MSTO1: variants seen among roughly 807,000 people sequenced by gnomAD.
MSTO1 encodes the protein misato mitochondrial distribution and morphology regulator 1.
Under a neutral mutation model 55.7 loss-of-function variants are expected in MSTO1, and 24 were observed. The ratio of observed to expected loss-of-function variants is 0.43; its 90% CI spans 0.31 to 0.61. The LOEUF (loss-of-function observed/expected upper bound fraction) is 0.61, where lower values mean the gene tolerates loss of function less well. MSTO1 is among the 20% of genes least tolerant of loss of function. The pLI is 0.09. For missense variants in MSTO1, 363 were observed against 625.7 expected (o/e 0.58, Z 4.48); for synonymous variants, 162 against 252.8 (o/e 0.64, Z 3.41).
the MSTO1 span, among the ~76,000 whole-genome samples, chr1:155,604,871 T>A: frequency 6.6e-6 from 1 of 152,094 alleles, no homozygotes; most frequent in Non-Finnish European, 1.5e-5. Flanking sequence ...TGAGATCCTA[T>A]CTCAAAAAAT....
the MSTO1 span, among the ~76,000 whole-genome samples, chr1:155,603,027 C>G: frequency 6.6e-6 from 1 of 151,940 alleles, no homozygotes; most frequent in Non-Finnish European, 1.5e-5. Flanking sequence ...ATCAGAATCC[C>G]TTATGTATGT....
the MSTO1 span, among the ~76,000 whole-genome samples, chr1:155,566,971 T>A: frequency 6.6e-6 from 1 of 152,130 alleles, no homozygotes; most frequent in South Asian, 2.1e-4. Context: ...CTAGCTCCCA[T>A]GCTCAAGGGA....
the MSTO1 span, among the ~76,000 whole-genome samples, chr1:155,574,395 C>T: frequency 1.3e-5 from 2 of 152,152 alleles, no homozygotes; most frequent in African/African-American, 4.8e-5. Flanking sequence ...CAAATAAAAT[C>T]TGTAGTTTAG....
the MSTO1 span, among the ~76,000 whole-genome samples, chr1:155,594,516 A>C: frequency 6.6e-6 from 1 of 152,334 alleles, no homozygotes; most frequent in African/African-American, 2.4e-5. Flanking sequence ...TATGGCTATA[A>C]ATGAAACTAG....
chr1:155,597,769 C>CA, the MSTO1 span, among the ~76,000 whole-genome samples: 2 of 150,890 alleles, frequency 1.3e-5, no homozygotes, highest in African/African-American at 4.9e-5. Context: ...CTTGGTCTCC[C>CA]AAAGTGCTGG....
upstream of MSTO1, among the ~76,000 whole-genome samples, chr1:155,608,465 C>T (rs1673024393): frequency 6.6e-6 from 1 of 152,070 alleles, no homozygotes; most frequent in Non-Finnish European, 1.5e-5. Context: ...CAGGCGTGAG[C>T]CTCTGCGCCC....
chr1:155,588,125 C>A, the MSTO1 span, among the ~76,000 whole-genome samples: 2 of 150,440 alleles, frequency 1.3e-5, no homozygotes, highest in African/African-American at 4.9e-5. Flanking sequence ...AGGAGAATCG[C>A]TTTAGCCTGG....
chr1:155,571,060 C>T, the MSTO1 span, among the ~76,000 whole-genome samples: 1 of 152,164 alleles, frequency 6.6e-6, no homozygotes, highest in Non-Finnish European at 1.5e-5. Context: ...ACACAATGCT[C>T]ACATGTATAA....
chr1:155,594,490 T>G, the MSTO1 span, among the ~76,000 whole-genome samples: 1 of 152,200 alleles, frequency 6.6e-6, no homozygotes, highest in East Asian at 1.9e-4. Context: ...TAAAATGACA[T>G]GTTTTAGCAT....
the MSTO1 span, chr1:155,590,806 G>A: frequency 1.9e-6 from 3 of 1,606,542 alleles, no homozygotes; most frequent in Non-Finnish European, 2.6e-6. Context: ...TTGGGCCTCA[G>A]CCACCAGGGG....
the MSTO1 span, among the ~76,000 whole-genome samples, chr1:155,600,893 G>C: frequency 6.6e-6 from 1 of 150,684 alleles, no homozygotes; most frequent in Non-Finnish European, 1.5e-5. Flanking sequence ...AGCCAGTATG[G>C]TCTCGATCTC....
At chr1:155,570,420 T>G in the MSTO1 span, among the ~76,000 whole-genome samples, 4 of 152,220 alleles carry the variant, frequency 2.6e-5, no homozygotes, top group Non-Finnish European at 5.9e-5. Context: ...ATTGACATCA[T>G]CGGCTTTTGA....
chr1:155,612,913 C>T lies in MSTO1; in HGVS notation c.1036C>T (p.Leu346=). Residue 346 remains leucine, a synonymous_variant, in exon 10 of 14, where the codon CTG becomes TTG. Transcript: ENST00000245564. ...ALDTVTVPYR[L]CSSPVSMVHL... ...GGACACAGTCACTGTTCCTTATCGC[C>T]TGTGTTCCTCTCCAGTTTCCATGGT... 1.9e-6 allele frequency: 3 copies of T among 1,613,808 alleles called. No homozygotes were observed. The South Asian group carries it at 3.3e-5, about 18-fold the overall frequency.
chr1:155,597,920 G>A, the MSTO1 span, among the ~76,000 whole-genome samples: 358 of 150,994 alleles, frequency 2.4e-3, 1 homozygote, highest in African/African-American at 8.2e-3. Context: ...GGGTTCGAGC[G>A]ATTCTCCTGC....
chr1:155,580,907 CAAAAA>C, the MSTO1 span, among the ~76,000 whole-genome samples: 1 of 91,710 alleles, frequency 1.1e-5, no homozygotes, highest in Non-Finnish European at 2.2e-5. Flanking sequence ...GACTCTGTCT[CAAAAA>C]AAAAAAAAAA....
In MSTO1 at chr1:155,614,854, C is replaced by A; in HGVS notation, c.*581C>A. 2 of 1,580,454 alleles carry A rather than the reference C, an allele frequency of 1.3e-6. No individual in the cohort carries two copies. Among genetic ancestry groups the A allele is most frequent in the Non-Finnish European group, 8.6e-7 (1 of 1,162,604 alleles). ...AGTGTGGAAGAGCTGCATGAGTTCT[C>A]GAAAATGGTGGGAAACCTAAGAAAG... is the stretch of plus-strand genomic sequence containing the variant. On this transcript the variant is annotated 3_prime_UTR_variant, in exon 14 of 14. Coordinates refer to ENST00000245564, the MANE Select transcript of MSTO1 (RefSeq NM_018116.4).
chr1:155,589,225 G>C, the MSTO1 span, among the ~76,000 whole-genome samples: 1 of 151,910 alleles, frequency 6.6e-6, no homozygotes, highest in Non-Finnish European at 1.5e-5. Flanking sequence ...TTGAACCCAA[G>C]AGGTGGAGGT....
At chr1:155,602,423 C>T in the MSTO1 span, among the ~76,000 whole-genome samples, 5 of 152,138 alleles carry the variant, frequency 3.3e-5, no homozygotes, top group East Asian at 1.9e-4. Context: ...TTGCGGTGAG[C>T]GGAGATCTTG....
At chr1:155,590,668 C>G in the MSTO1 span, 1 of 1,438,578 alleles carries the variant, frequency 7.0e-7, no homozygotes, top group African/African-American at 1.4e-5. Context: ...TGTCCAGTAG[C>G]GGGCCATGTA....
Sources: allele counts gnomAD v4.1 joint callset (sites outside exome capture counted in the v4.1 genomes callset), GRCh38; gene constraint gnomAD v4.1.1; transcripts MANE v1.5; gene names NCBI Gene and HGNC (gene_info 2026-07-23, HGNC 2026-07-21).